The following NBDY variants were observed in gnomAD, a reference collection of about 807,000 sequenced individuals.
The protein encoded by NBDY is negative regulator of P-body association.
At chrX:56,797,080 A>C (rs1335276300) in intron 2 of NBDY, among the ~76,000 whole-genome samples, 46 of 80,994 alleles carry the variant, frequency 5.7e-4, no homozygotes, top group African/African-American at 9.8e-4. Flanking sequence ...TCCTCCTCCA[A>C]CTCCCTCTCC....
At chrX:56,745,187 G>A (rs1457731154) in intron 2 of NBDY, among the ~76,000 whole-genome samples, 2 of 111,382 alleles carry the variant, frequency 1.8e-5, no homozygotes, top group East Asian at 2.8e-4. Context: ...TGATGTGCTG[G>A]ACAAAGGGAT....
chrX:56,730,276 G>A (rs1387228519), intron 1 of NBDY, among the ~76,000 whole-genome samples: 2 of 107,971 alleles, frequency 1.9e-5, no homozygotes, highest in Non-Finnish European at 3.8e-5. Flanking sequence ...AGCACTTTGG[G>A]ATGCCGAGGT....
chrX:56,755,299 C>T (rs368359003), intron 2 of NBDY, among the ~76,000 whole-genome samples: 1 of 111,932 alleles, frequency 8.9e-6, no homozygotes, highest in Non-Finnish European at 1.9e-5. Context: ...TGGGATCTAA[C>T]TAAACTAAAG....
intron 2 of NBDY, among the ~76,000 whole-genome samples, chrX:56,761,034 A>G (rs1042593949): frequency 1.2e-4 from 13 of 112,234 alleles, no homozygotes; most frequent in African/African-American, 4.2e-4. Context: ...GCGCGTGCCT[A>G]GAGAAAAAGC....
At chrX:56,807,698 G>A (rs2069859862) in intron 2 of NBDY, among the ~76,000 whole-genome samples, 1 of 112,035 alleles carries the variant, frequency 8.9e-6, no homozygotes, top group African/African-American at 3.2e-5. Context: ...TAGCTTATCA[G>A]CCTAAGGAGA....
At chrX:56,754,154 T>C (rs1417138193) in intron 2 of NBDY, among the ~76,000 whole-genome samples, 1 of 111,413 alleles carries the variant, frequency 9.0e-6, no homozygotes, top group Non-Finnish European at 1.9e-5. Flanking sequence ...TGAGATTATA[T>C]GGGATCCAGA....
intron 2 of NBDY, among the ~76,000 whole-genome samples, chrX:56,763,961 C>T (rs768041229): frequency 1.8e-5 from 2 of 112,676 alleles, no homozygotes; most frequent in African/African-American, 6.4e-5. Context: ...ATCTAGAAAC[C>T]GGAGGCAGCT....
intron 2 of NBDY, among the ~76,000 whole-genome samples, chrX:56,739,236 G>GTATATA (rs67727538): frequency 0.068 from 3,930 of 57,783 alleles, 178 homozygotes; most frequent in African/African-American, 0.074. Flanking sequence ...GTGTTTGTGT[G>GTATATA]TGTATATATA....
At chrX:56,808,886 T>C (rs1402782312) in intron 2 of NBDY, among the ~76,000 whole-genome samples, 1 of 112,909 alleles carries the variant, frequency 8.9e-6, no homozygotes, top group Non-Finnish European at 1.9e-5. Flanking sequence ...TGCTTTCTCT[T>C]GTGGGCATTT....
Position 56,818,041 on chromosome X carries a change from A to G in NBDY, c.*888A>G, listed in dbSNP as rs925791623. 1.8e-5 allele frequency: 2 copies of G among 111,607 alleles called. No individual in the cohort carries two copies. The highest frequency in any genetic ancestry group is 6.5e-5 in the African/African-American group (2 of 30,779). 9.2% of individuals were successfully genotyped at this position (111,607 alleles called of 1,213,427 possible). ...GGAAAACATTAGATAGCAGCTTTCA[A>G]TATTTCATATAGTTCATAAATGTTT... On this transcript the variant is annotated 3_prime_UTR_variant, in exon 3 of 3. Coordinates refer to ENST00000374922, the MANE Select transcript of NBDY (RefSeq NM_001348129.2).
At chrX:56,747,356 T>C (rs1175528774) in intron 2 of NBDY, among the ~76,000 whole-genome samples, 1 of 111,987 alleles carries the variant, frequency 8.9e-6, no homozygotes, top group Non-Finnish European at 1.9e-5. Flanking sequence ...AATGGCCTCC[T>C]GTATTGATCA....
At chrX:56,790,023 A>C (rs2069752574) in intron 2 of NBDY, among the ~76,000 whole-genome samples, 1 of 110,804 alleles carries the variant, frequency 9.0e-6, no homozygotes, top group African/African-American at 3.3e-5. Flanking sequence ...CTCAAGCTAA[A>C]CTCTGGTGCT....
intron 2 of NBDY, among the ~76,000 whole-genome samples, chrX:56,767,501 C>A (rs1213362191): frequency 8.9e-6 from 1 of 112,791 alleles, no homozygotes; most frequent in Admixed American, 9.3e-5. Context: ...GGGAGAGCCG[C>A]GGGCGGTAAC....
At chrX:56,797,875 A>G in intron 2 of NBDY, among the ~76,000 whole-genome samples, 1 of 111,897 alleles carries the variant, frequency 8.9e-6, no homozygotes. Flanking sequence ...AAACCCATAC[A>G]CACATGGAGA....
At chrX:56,807,690 G>A (rs980105375) in intron 2 of NBDY, among the ~76,000 whole-genome samples, 1 of 112,073 alleles carries the variant, frequency 8.9e-6, no homozygotes, top group Admixed American at 9.5e-5. Flanking sequence ...TGCTGAAGTA[G>A]CTTATCAGCC....
At chrX:56,751,095 G>A (rs149927963) in intron 2 of NBDY, among the ~76,000 whole-genome samples, 110 of 109,660 alleles carry the variant, frequency 1.0e-3, no homozygotes, top group African/African-American at 3.6e-3. Flanking sequence ...CTTATCTGTT[G>A]CCACCAATTC....
At chrX:56,786,242 CTG>C (rs764095769) in intron 2 of NBDY, among the ~76,000 whole-genome samples, 1 of 111,304 alleles carries the variant, frequency 9.0e-6, no homozygotes, top group African/African-American at 3.3e-5. Context: ...CCTGTGTCCT[CTG>C]TAGCTTCTGC....
intron 2 of NBDY, among the ~76,000 whole-genome samples, chrX:56,791,879 T>C (rs901827988): frequency 9.1e-5 from 10 of 110,315 alleles, no homozygotes; most frequent in African/African-American, 3.3e-4. Context: ...TCCTCCTCCT[T>C]CTTCTTCTTA....
At chrX:56,743,786 T>G (rs1421879173) in intron 2 of NBDY, among the ~76,000 whole-genome samples, 1 of 111,327 alleles carries the variant, frequency 9.0e-6, no homozygotes, top group African/African-American at 3.2e-5. Flanking sequence ...TTTCATTTAT[T>G]TCGGCTCTGG....
Sources: gnomAD v4.1 joint callset for allele counts (sites outside exome capture counted in the v4.1 genomes callset) on GRCh38, gnomAD v4.1.1 for gene constraint, MANE v1.5 for transcripts, NCBI Gene and HGNC (gene_info 2026-07-23, HGNC 2026-07-21) for gene names.